Variants in GTF2F2 observed in about 807,000 individuals in gnomAD.
GTF2F2 encodes ATP-dependent helicase GTF2F2.
GTF2F2 carries 23 observed loss-of-function variants against 42.2 expected under a neutral mutation model. That is an observed-to-expected ratio of 0.55 (90% CI 0.39 to 0.77). The LOEUF (loss-of-function observed/expected upper bound fraction) is 0.77. GTF2F2 is among the 30% of genes least tolerant of loss of function. GTF2F2 has a pLI of 0.00. For missense variants in GTF2F2, 261 were observed against 287.2 expected (o/e 0.91, Z 0.66); for synonymous variants, 105 against 100.8 (o/e 1.04, Z -0.25).
chr13:45,239,562 C>A (rs778767783), intron 5 of GTF2F2, among the ~76,000 whole-genome samples: 18 of 152,152 alleles, frequency 1.2e-4, no homozygotes, highest in Non-Finnish European at 2.4e-4. Context: ...CAACACATAC[C>A]AAAAACTTGT....
intron 5 of GTF2F2, among the ~76,000 whole-genome samples, chr13:45,235,758 A>AT (rs979416875): frequency 1.9e-4 from 29 of 149,730 alleles, no homozygotes; most frequent in African/African-American, 2.9e-4. Flanking sequence ...CCTGGCTTTT[A>AT]TTTTTTTTTA....
intron 5 of GTF2F2, among the ~76,000 whole-genome samples, chr13:45,242,788 T>C (rs980020678): frequency 1.1e-4 from 16 of 152,208 alleles, no homozygotes; most frequent in Admixed American, 9.2e-4. Context: ...AGAATATTTA[T>C]TGAGTTGCTA....
intron 4 of GTF2F2, among the ~76,000 whole-genome samples, chr13:45,178,671 A>G (rs1170561335): frequency 6.6e-6 from 1 of 151,958 alleles, no homozygotes; most frequent in Non-Finnish European, 1.5e-5. Flanking sequence ...CTTTAAATGA[A>G]AGTTATGTAC....
chr13:45,179,640 A>T (rs962859648), intron 4 of GTF2F2, among the ~76,000 whole-genome samples: 4 of 152,204 alleles, frequency 2.6e-5, no homozygotes, highest in African/African-American at 9.6e-5. Flanking sequence ...GGCTGTCTAA[A>T]CAAAGAGTCT....
intron 4 of GTF2F2, among the ~76,000 whole-genome samples, chr13:45,172,352 T>C (rs1328163922): frequency 6.6e-6 from 1 of 152,236 alleles, no homozygotes; most frequent in Non-Finnish European, 1.5e-5. Context: ...TTTGGACAAA[T>C]ACCTATTCCA....
intron 5 of GTF2F2, among the ~76,000 whole-genome samples, chr13:45,251,225 C>A (rs1325920081): frequency 6.6e-6 from 1 of 152,078 alleles, no homozygotes; most frequent in Non-Finnish European, 1.5e-5. Flanking sequence ...AGAGAATTAT[C>A]TTCATCCAAG....
intron 6 of GTF2F2, among the ~76,000 whole-genome samples, chr13:45,264,607 T>C (rs1876489199): frequency 1.3e-5 from 2 of 152,170 alleles, no homozygotes; most frequent in African/African-American, 4.8e-5. Flanking sequence ...AATTCGGTAA[T>C]TTTCTTACTA....
Position 45,155,651 on chromosome 13 carries a change from T to G in GTF2F2, c.304+3820T>G, listed in dbSNP as rs528320607. 1.1e-3 allele frequency among the ~76,000 whole-genome samples: 162 copies of G among 152,350 alleles called. 1 individual carries two copies. Among genetic ancestry groups the G allele is most frequent in the African/African-American group, 3.7e-3 (152 of 41,580 alleles). On this transcript the variant is annotated intron_variant, in intron 4 of 7. Coordinates refer to ENST00000340473, the MANE Select transcript of GTF2F2 (RefSeq NM_004128.3). The stretch of plus-strand genomic sequence containing the variant: ...ATCAACATTTTATGAACTCAGTTAA[T>G]TTCTTTCTAATTCAGTGTTCCTGTC...
chr13:45,239,470 A>G (rs1298993174), intron 5 of GTF2F2, among the ~76,000 whole-genome samples: 1 of 152,212 alleles, frequency 6.6e-6, no homozygotes, highest in East Asian at 1.9e-4. Flanking sequence ...TTTGAAAAAC[A>G]GAAGTTGGGC....
At chr13:45,211,970 C>T (rs756921086) in intron 5 of GTF2F2, among the ~76,000 whole-genome samples, 4 of 151,842 alleles carry the variant, frequency 2.6e-5, no homozygotes, top group African/African-American at 7.3e-5. Flanking sequence ...CACACACACA[C>T]GCACACACAC....
chr13:45,135,145 G>T (rs1869551290), intron 1 of GTF2F2, among the ~76,000 whole-genome samples: 1 of 152,050 alleles, frequency 6.6e-6, no homozygotes, highest in East Asian at 1.9e-4. Context: ...GTAGAGACGG[G>T]ATTCCGCCAT....
intron 5 of GTF2F2, among the ~76,000 whole-genome samples, chr13:45,219,038 T>TTG (rs1874002823): frequency 6.6e-6 from 1 of 152,110 alleles, no homozygotes; most frequent in African/African-American, 2.4e-5. Flanking sequence ...TTGTTTTGTT[T>TTG]TTTTTAAAAA....
intron 6 of GTF2F2, among the ~76,000 whole-genome samples, chr13:45,254,323 A>G (rs938265057): frequency 6.6e-6 from 1 of 152,206 alleles, no homozygotes; most frequent in Non-Finnish European, 1.5e-5. Context: ...TCAGGCACCA[A>G]GTGGGGCAGG....
At chr13:45,248,000 A>G (rs755445362) in intron 5 of GTF2F2, among the ~76,000 whole-genome samples, 1 of 151,782 alleles carries the variant, frequency 6.6e-6, no homozygotes, top group Non-Finnish European at 1.5e-5. Flanking sequence ...GTGCATCACC[A>G]CACCTGGCTA....
intron 4 of GTF2F2, among the ~76,000 whole-genome samples, chr13:45,167,518 C>T (rs1156851501): frequency 6.6e-6 from 1 of 151,556 alleles, no homozygotes. Flanking sequence ...CTGCCTTAGC[C>T]TCCCAAGTAG....
At chr13:45,138,137 G>A (rs563532044) in intron 2 of GTF2F2, among the ~76,000 whole-genome samples, 140 of 152,180 alleles carry the variant, frequency 9.2e-4, no homozygotes, top group Non-Finnish European at 1.6e-3. Flanking sequence ...CTCATTGGCT[G>A]TTCCTTCTTA....
chr13:45,135,110 C>T (rs944476144), intron 1 of GTF2F2, among the ~76,000 whole-genome samples: 3 of 151,982 alleles, frequency 2.0e-5, no homozygotes, highest in Non-Finnish European at 2.9e-5. Context: ...TGTGCCACTG[C>T]GCCCAGCTAA....
chr13:45,125,804 A>G (rs752782862), intron 1 of GTF2F2, among the ~76,000 whole-genome samples: 1 of 152,162 alleles, frequency 6.6e-6, no homozygotes, highest in Non-Finnish European at 1.5e-5. Context: ...ACAGGGATTT[A>G]TTAGTGAGTA....
chr13:45,160,766 GTT>G (rs59676340), intron 4 of GTF2F2, among the ~76,000 whole-genome samples: 27,400 of 141,564 alleles, frequency 0.19, 2,724 homozygotes, highest in Non-Finnish European at 0.23. Flanking sequence ...CCTGTCAGCT[GTT>G]TTTTTTTTTT....
Sources: gnomAD v4.1 joint callset for allele counts (sites outside exome capture counted in the v4.1 genomes callset) on GRCh38, gnomAD v4.1.1 for gene constraint, MANE v1.5 for transcripts, NCBI Gene and HGNC (gene_info 2026-07-23, HGNC 2026-07-21) for gene names.